The following NLGN1 variants were observed in gnomAD, a reference collection of about 807,000 sequenced individuals.
NLGN1 encodes neuroligin-1.
NLGN1 carries 12 observed loss-of-function variants against 65.5 expected under a neutral mutation model. That is an observed-to-expected ratio of 0.18 (90% CI 0.12 to 0.30). NLGN1 has a LOEUF of 0.30. Ranked by LOEUF, NLGN1 falls within the 10% of genes least tolerant of loss-of-function variation. The pLI, the probability that NLGN1 is intolerant of heterozygous loss-of-function variation, is 1.00. For synonymous variants in NLGN1, 350 were observed against 359.5 expected (o/e 0.97, Z 0.30); for missense variants, 750 against 1,007.1 (o/e 0.74, Z 3.46).
chr3:174,064,324 A>C (rs1738038294), intron 4 of NLGN1, among the ~76,000 whole-genome samples: 1 of 152,100 alleles, frequency 6.6e-6, no homozygotes, highest in Non-Finnish European at 1.5e-5. Flanking sequence ...ATGAACAGGA[A>C]CTTGACAGGT....
At chr3:173,846,002 A>T (rs1441123066) in intron 4 of NLGN1, among the ~76,000 whole-genome samples, 1 of 151,972 alleles carries the variant, frequency 6.6e-6, no homozygotes, top group Admixed American at 6.6e-5. Context: ...CAGGCTGGTC[A>T]GCTCCTGGAC....
chr3:173,804,751 G>T (rs1374659304), intron 3 of NLGN1, among the ~76,000 whole-genome samples: 1 of 152,032 alleles, frequency 6.6e-6, no homozygotes, highest in African/African-American at 2.4e-5. Context: ...GCCTGGCCAG[G>T]CATGGTGGCT....
At chr3:173,405,041 A>C (rs940054863) in intron 1 of NLGN1, among the ~76,000 whole-genome samples, 2 of 152,140 alleles carry the variant, frequency 1.3e-5, no homozygotes, top group Non-Finnish European at 2.9e-5. Flanking sequence ...TATTAGCAAG[A>C]TGCATTAGCT....
At chr3:173,969,600 C>A (rs570581806) in intron 4 of NLGN1, among the ~76,000 whole-genome samples, 2 of 152,052 alleles carry the variant, frequency 1.3e-5, no homozygotes, top group East Asian at 3.9e-4. Context: ...ATATCCTTGA[C>A]TTACGTGAGC....
intron 3 of NLGN1, among the ~76,000 whole-genome samples, chr3:173,608,566 A>G (rs2149460997): frequency 6.6e-6 from 1 of 152,012 alleles, no homozygotes; most frequent in East Asian, 1.9e-4. Context: ...TCTATTTTAC[A>G]AGTAAGAAGG....
chr3:174,278,512 C>T (rs1315193439), intron 5 of NLGN1, among the ~76,000 whole-genome samples: 1 of 151,766 alleles, frequency 6.6e-6, no homozygotes, highest in Non-Finnish European at 1.5e-5. Context: ...GAAGATTGGC[C>T]CCATCTGGTT....
At chr3:173,994,966 A>T (rs188275406) in intron 4 of NLGN1, among the ~76,000 whole-genome samples, 83 of 152,092 alleles carry the variant, frequency 5.5e-4, no homozygotes, top group African/African-American at 1.3e-3. Context: ...GTAGATATAT[A>T]AAAAAAATGG....
At chr3:173,647,635 A>C (rs562212122) in intron 3 of NLGN1, among the ~76,000 whole-genome samples, 25 of 152,272 alleles carry the variant, frequency 1.6e-4, no homozygotes, top group African/African-American at 5.8e-4. Context: ...AACTGAATGA[A>C]AATACAATAT....
chr3:173,756,527 G>A (rs1777148271), intron 3 of NLGN1, among the ~76,000 whole-genome samples: 1 of 151,504 alleles, frequency 6.6e-6, no homozygotes, highest in Non-Finnish European at 1.5e-5. Context: ...TATGCAATAT[G>A]TGTGTGTGTA....
chr3:173,548,049 G>T, intron 2 of NLGN1, among the ~76,000 whole-genome samples: 1 of 151,708 alleles, frequency 6.6e-6, no homozygotes, highest in Non-Finnish European at 1.5e-5. Context: ...ATTTACTTAC[G>T]CATTTACTTC....
chr3:174,017,162 T>C (rs1726743734), intron 4 of NLGN1, among the ~76,000 whole-genome samples: 1 of 152,160 alleles, frequency 6.6e-6, no homozygotes, highest in Non-Finnish European at 1.5e-5. Flanking sequence ...AAGATGAATG[T>C]AGTTAAACAG....
At chr3:173,447,586 A>G (rs1720622152) in intron 2 of NLGN1, among the ~76,000 whole-genome samples, 1 of 152,094 alleles carries the variant, frequency 6.6e-6, no homozygotes, top group Admixed American at 6.6e-5. Context: ...GTTTTTTCCA[A>G]TTCTGTGAAG....
chr3:174,282,712 A>C (rs1306665363), exon 7 of NLGN1: 1 of 152,226 alleles, frequency 6.6e-6, no homozygotes, highest in Non-Finnish European at 1.5e-5. Context: ...ATGTACATTT[A>C]TATTGAAAAA....
chr3:173,766,757 TGAAA>T (rs1352562521), intron 3 of NLGN1, among the ~76,000 whole-genome samples: 1 of 152,200 alleles, frequency 6.6e-6, no homozygotes, highest in Non-Finnish European at 1.5e-5. Flanking sequence ...CAATGAATAT[TGAAA>T]GAAAGAAGGG....
In NLGN1 at chr3:173,555,662, T is replaced by C. The variant is rs149079260; in HGVS notation, c.-320-48617T>C. 2.7e-3 allele frequency among the ~76,000 whole-genome samples: 417 copies of C among 152,194 alleles called. 2 individuals carry two copies. Among genetic ancestry groups the C allele is most frequent in the Middle Eastern group, 0.01 (3 of 292 alleles). On this transcript the variant is annotated intron_variant, in intron 2 of 6. Transcript: ENST00000457714. The stretch of plus-strand genomic sequence containing the variant: ...AATTTTTATAAATATACATATTTTT[T>C]TGTAGAGATGGGATTTTGCCATGTT...
At chr3:173,710,271 C>G (rs1768747216) in intron 3 of NLGN1, among the ~76,000 whole-genome samples, 1 of 152,060 alleles carries the variant, frequency 6.6e-6, no homozygotes, top group Non-Finnish European at 1.5e-5. Context: ...TTCTATGGGA[C>G]ATTTTAGATT....
chr3:173,559,854 A>C (rs190760243), intron 2 of NLGN1, among the ~76,000 whole-genome samples: 3 of 152,286 alleles, frequency 2.0e-5, no homozygotes, highest in East Asian at 3.9e-4. Context: ...ATTTTCTGTC[A>C]TGAAGAGAAT....
intron 2 of NLGN1, among the ~76,000 whole-genome samples, chr3:173,589,217 T>G (rs1748023968): frequency 6.6e-6 from 1 of 152,214 alleles, no homozygotes; most frequent in African/African-American, 2.4e-5. Flanking sequence ...ATAGAAATTT[T>G]AGTTTAGTAT....
chr3:174,242,421 T>C (rs1743054385), intron 4 of NLGN1, among the ~76,000 whole-genome samples: 1 of 152,042 alleles, frequency 6.6e-6, no homozygotes, highest in African/African-American at 2.4e-5. Context: ...TCAGGTGGCA[T>C]AGCAAGAAGT....
Sources: allele counts gnomAD v4.1 joint callset (sites outside exome capture counted in the v4.1 genomes callset), GRCh38; gene constraint gnomAD v4.1.1; transcripts MANE v1.5; gene names NCBI Gene and HGNC (gene_info 2026-07-23, HGNC 2026-07-21).